Variants in RBFOX1 observed in about 807,000 individuals in gnomAD.
RBFOX1 encodes the protein RNA binding protein fox-1 homolog 1.
A neutral mutation model predicts 57.7 loss-of-function variants in RBFOX1; 8 were observed. That is an observed-to-expected ratio of 0.14 (90% confidence interval 0.08 to 0.25). RBFOX1 has a LOEUF of 0.25. Among genes scored for constraint, RBFOX1 ranks in the 10% least tolerant of loss-of-function variants. The probability of loss-of-function intolerance (pLI) is 1.00; values close to 1 mark genes in which losing one functional copy is unlikely to be tolerated. For missense variants in RBFOX1, 611 were observed against 548.5 expected, an observed-to-expected ratio of 1.11 and a Z score of -1.14; for synonymous variants, 326 against 222.4, an observed-to-expected ratio of 1.47 and a Z score of -4.15.
intron 1 of RBFOX1, among the ~76,000 whole-genome samples, chr16:5,454,349 T>G (rs1434972329): frequency 6.6e-6 from 1 of 152,262 alleles, no homozygotes; most frequent in Non-Finnish European, 1.5e-5. Flanking sequence ...TCTTAGAGTC[T>G]GTGGGTCAGA....
rs560234995 is a variant in RBFOX1, at chr16:5,970,088, G to A, written c.351+102753G>A. Reference sequence around the variant, plus strand: ...TGCCACTGCCTCTTGGTCACGATGGGTGTCTCCTTTTGTTGAGTCTGCCGC... The same window carrying A: ...TGCCACTGCCTCTTGGTCACGATGGATGTCTCCTTTTGTTGAGTCTGCCGC... On this transcript the variant is annotated intron_variant, in intron 4 of 19. Transcript: ENST00000641259. 2.6e-5 allele frequency among the ~76,000 whole-genome samples: 4 copies of A among 152,186 alleles called. No individual in the cohort carries two copies. In the East Asian group the frequency reaches 5.8e-4, roughly 22 times the overall value.
At chr16:5,518,053 TAA>T (rs937965001) in intron 2 of RBFOX1, among the ~76,000 whole-genome samples, 2 of 152,140 alleles carry the variant, frequency 1.3e-5, no homozygotes, top group African/African-American at 4.8e-5. Flanking sequence ...TAATATTATT[TAA>T]AGAGTGCAAA....
At chr16:6,849,294 A>T (rs557712530) in intron 3 of RBFOX1, among the ~76,000 whole-genome samples, 5 of 152,334 alleles carry the variant, frequency 3.3e-5, no homozygotes, top group Admixed American at 6.5e-5. Flanking sequence ...TATTCTGCTC[A>T]TTGGCAAAAA....
At chr16:6,825,144 C>T (rs2091955179) in intron 3 of RBFOX1, among the ~76,000 whole-genome samples, 1 of 151,134 alleles carries the variant, frequency 6.6e-6, no homozygotes. Context: ...TTAACAACCT[C>T]ACTCAGCACC....
At chr16:7,504,785 ATTTATATATATATATATT>A (rs2072597919) in intron 4 of RBFOX1, among the ~76,000 whole-genome samples, 2 of 18,284 alleles carry the variant, frequency 1.1e-4, no homozygotes, top group African/African-American at 4.9e-4. Flanking sequence ...ATATATATAT[ATTTATATATATATATATT>A]TATATATATA....
At chr16:7,481,953 G>A (rs897425007) in intron 4 of RBFOX1, among the ~76,000 whole-genome samples, 5 of 152,156 alleles carry the variant, frequency 3.3e-5, no homozygotes, top group African/African-American at 1.2e-4. Flanking sequence ...AAACAGTATG[G>A]TTATTATGAG....
intron 4 of RBFOX1, among the ~76,000 whole-genome samples, chr16:7,334,478 C>G (rs762664893): frequency 6.6e-6 from 1 of 152,074 alleles, no homozygotes; most frequent in Non-Finnish European, 1.5e-5. Flanking sequence ...GACCCTCTGC[C>G]GACCCATCTG....
At chr16:6,405,764 A>C (rs2093258386) in intron 2 of RBFOX1, among the ~76,000 whole-genome samples, 1 of 152,218 alleles carries the variant, frequency 6.6e-6, no homozygotes, top group Non-Finnish European at 1.5e-5. Flanking sequence ...TAGCCACTTT[A>C]CACATGGGCT....
intron 2 of RBFOX1, among the ~76,000 whole-genome samples, chr16:6,552,821 A>G (rs1219862514): frequency 1.3e-5 from 2 of 151,968 alleles, no homozygotes; most frequent in Non-Finnish European, 1.5e-5. Flanking sequence ...TATGTGTAAG[A>G]TATATATTAT....
chr16:7,610,440 A>G (rs1161203812), intron 10 of RBFOX1, among the ~76,000 whole-genome samples: 1 of 151,594 alleles, frequency 6.6e-6, no homozygotes, highest in Non-Finnish European at 1.5e-5. Context: ...TGATCATGCT[A>G]CTGCTCTGTG....
At chr16:7,103,139 A>G (rs1361943990) in intron 4 of RBFOX1, among the ~76,000 whole-genome samples, 1 of 151,964 alleles carries the variant, frequency 6.6e-6, no homozygotes, top group East Asian at 1.9e-4. Context: ...GGACCAAAGT[A>G]TTACTGAAAG....
At chr16:6,554,305 G>A (rs1195245106) in intron 2 of RBFOX1, among the ~76,000 whole-genome samples, 2 of 152,102 alleles carry the variant, frequency 1.3e-5, no homozygotes, top group African/African-American at 4.8e-5. Context: ...TGTTTTTAAG[G>A]TTCTGCTCCC....
At chr16:6,434,648 C>T (rs1479638852) in intron 2 of RBFOX1, among the ~76,000 whole-genome samples, 2 of 152,198 alleles carry the variant, frequency 1.3e-5, no homozygotes, top group Admixed American at 1.3e-4. Context: ...TATGGGTCTG[C>T]ACCATCTGTA....
chr16:6,428,955 G>T (rs542300130), intron 2 of RBFOX1, among the ~76,000 whole-genome samples: 4 of 152,172 alleles, frequency 2.6e-5, no homozygotes, highest in Non-Finnish European at 5.9e-5. Flanking sequence ...TTGAGATGTG[G>T]TTGGGTTTAT....
At chr16:5,727,409 C>T (rs976400164) in intron 3 of RBFOX1, among the ~76,000 whole-genome samples, 1 of 152,150 alleles carries the variant, frequency 6.6e-6, no homozygotes, top group Non-Finnish European at 1.5e-5. Context: ...CGATGTGATG[C>T]TCTGATGTAC....
chr16:5,686,774 T>C (rs558558798), intron 3 of RBFOX1, among the ~76,000 whole-genome samples: 37 of 152,258 alleles, frequency 2.4e-4, no homozygotes, highest in African/African-American at 8.9e-4. Flanking sequence ...TTTTTTCCAG[T>C]AGAAATTCCA....
At chr16:7,605,974 T>A (rs2095268961) in intron 9 of RBFOX1, among the ~76,000 whole-genome samples, 1 of 152,038 alleles carries the variant, frequency 6.6e-6, no homozygotes, top group Non-Finnish European at 1.5e-5. Context: ...TAGTTGTTAC[T>A]ACTTTGTATT....
intron 4 of RBFOX1, among the ~76,000 whole-genome samples, chr16:7,482,241 GCTCAAA>G (rs2064150915): frequency 6.6e-6 from 1 of 152,204 alleles, no homozygotes; most frequent in Non-Finnish European, 1.5e-5. Context: ...CATTGTAAGA[GCTCAAA>G]CAGTGTCAGC....
At chr16:6,533,842 CA>C (rs1313401616) in intron 2 of RBFOX1, among the ~76,000 whole-genome samples, 1 of 152,150 alleles carries the variant, frequency 6.6e-6, no homozygotes, top group Non-Finnish European at 1.5e-5. Flanking sequence ...AGATAAAACA[CA>C]GTACGTACTA....
Sources: allele counts gnomAD v4.1 joint callset (sites outside exome capture counted in the v4.1 genomes callset), GRCh38; gene constraint gnomAD v4.1.1; transcripts MANE v1.5; gene names NCBI Gene and HGNC (gene_info 2026-07-23, HGNC 2026-07-21).